Variants in PDE4D observed in about 807,000 individuals in gnomAD.
The protein encoded by PDE4D is phosphodiesterase 4D, also known as 3',5'-cyclic-AMP phosphodiesterase 4D.
Under a neutral mutation model 87.4 loss-of-function variants are expected in PDE4D, and 24 were observed. The observed-to-expected ratio is 0.27, with a 90% CI of 0.20 to 0.39. PDE4D has a LOEUF of 0.39. Among genes scored for constraint, PDE4D ranks in the 10% least tolerant of loss-of-function variants. The pLI, the probability that PDE4D is intolerant of heterozygous loss-of-function variation, is 1.00. For missense variants in PDE4D, 714 were observed against 1,041.0 expected, an observed-to-expected ratio of 0.69 and a Z score of 4.32; for synonymous variants, 384 against 383.2, an observed-to-expected ratio of 1.00 and a Z score of -0.02.
In PDE4D at chr5:58,975,647, C is replaced by T; in HGVS notation, c.2013+10G>A. 6.3e-7 allele frequency: 1 copy of T among 1,578,608 alleles called. No individual in the cohort carries two copies. The highest frequency in any genetic ancestry group is 8.6e-7 in the Non-Finnish European group (1 of 1,161,146). On this transcript the variant is annotated intron_variant, in intron 14 of 14. Transcript: ENST00000340635. The surrounding 1 kb of genome is among the most constrained non-coding windows in gnomAD (Gnocchi z 4.2). Reference sequence around the variant, plus strand: ...TGTTCTCTCTGAAAGCTATACACTTCATGCATTACCTGTGATTTTTCCACG... The same window carrying T: ...TGTTCTCTCTGAAAGCTATACACTTTATGCATTACCTGTGATTTTTCCACG...
At chr5:59,879,816 C>G (rs1581564488) in intron 1 of PDE4D, among the ~76,000 whole-genome samples, 1 of 152,216 alleles carries the variant, frequency 6.6e-6, no homozygotes, top group South Asian at 2.1e-4. Context: ...TCTCTGCCCA[C>G]TGCAACCTCC....
At chr5:59,576,261 G>T (rs1053764672) in intron 1 of PDE4D, among the ~76,000 whole-genome samples, 2 of 152,068 alleles carry the variant, frequency 1.3e-5, no homozygotes, top group Admixed American at 6.6e-5. Context: ...AGTGACCCAA[G>T]GTTGCACCCT....
intron 3 of PDE4D, among the ~76,000 whole-genome samples, chr5:59,967,748 A>G (rs1760211886): frequency 6.6e-6 from 1 of 152,160 alleles, no homozygotes; most frequent in Non-Finnish European, 1.5e-5. Flanking sequence ...ATTACCAGGT[A>G]TATACTTCCA....
At chr5:60,396,787 T>C (rs1019187710) in intron 1 of PDE4D, among the ~76,000 whole-genome samples, 1 of 152,228 alleles carries the variant, frequency 6.6e-6, no homozygotes, top group Non-Finnish European at 1.5e-5. Context: ...CAGGTAGATC[T>C]GTGTTTCCTT....
Position 60,482,316 on chromosome 5 carries a change from T to TA in PDE4D, c.-90+5625dup, listed in dbSNP as rs767207563. On this transcript the variant is annotated intron_variant, in intron 1 of 16. Coordinates refer to the PDE4D transcript ENST00000502484. ...CTCAGAATTCTAGCCTCCAGAACTG[T>TA]AAAAAAAAAATAAATTTCTGTTGTT... is the stretch of plus-strand genomic sequence containing the variant. Among the ~76,000 whole-genome samples, 59 of 149,952 alleles carry TA rather than the reference T, an allele frequency of 3.9e-4. No individual in the cohort carries two copies. The Middle Eastern group carries it at 0.01, about 26-fold the overall frequency.
In PDE4D at chr5:59,334,507, C is replaced by T. The variant is rs190015345; in HGVS notation, c.456-118539G>A. Among the ~76,000 whole-genome samples the T allele has an allele frequency of 1.6e-3, 244 of 152,128 alleles. 1 individual carries two copies. Among genetic ancestry groups the T allele is most frequent in the African/African-American group, 5.6e-3 (234 of 41,492 alleles). ...TCCTGACCTCAGGTGATCTGCCCGC[C>T]TCAGCCTCCCAAAGTGCTAGGATTA... On this transcript the variant is annotated intron_variant, in intron 1 of 14. Coordinates refer to ENST00000340635, the MANE Select transcript of PDE4D (RefSeq NM_001104631.2).
chr5:59,541,031 C>G (rs1816245190), intron 1 of PDE4D, among the ~76,000 whole-genome samples: 1 of 152,060 alleles, frequency 6.6e-6, no homozygotes, highest in Non-Finnish European at 1.5e-5. Context: ...AGTTAGGGAT[C>G]TCAGAATTTA....
intron 5 of PDE4D, among the ~76,000 whole-genome samples, chr5:59,073,168 C>A (rs1765123627): frequency 6.6e-6 from 1 of 152,122 alleles, no homozygotes; most frequent in Non-Finnish European, 1.5e-5. Context: ...TACCAAGGAA[C>A]TGAGTCCCAT....
At chr5:59,849,467 A>C (rs1472508738) in intron 1 of PDE4D, among the ~76,000 whole-genome samples, 1 of 151,962 alleles carries the variant, frequency 6.6e-6, no homozygotes, top group Non-Finnish European at 1.5e-5. Flanking sequence ...GTGTTCATGA[A>C]ATTCATTGTT....
intron 1 of PDE4D, among the ~76,000 whole-genome samples, chr5:59,610,941 T>C (rs973769649): frequency 6.6e-6 from 1 of 152,134 alleles, no homozygotes; most frequent in African/African-American, 2.4e-5. Context: ...ACAAGGTCTC[T>C]TAGAAAGTGG....
chr5:60,389,781 C>T (rs1341997706), intron 1 of PDE4D, among the ~76,000 whole-genome samples: 2 of 152,032 alleles, frequency 1.3e-5, no homozygotes, highest in African/African-American at 2.4e-5. Flanking sequence ...AAAGTAGAAG[C>T]GACCCATTTC....
intron 1 of PDE4D, among the ~76,000 whole-genome samples, chr5:59,337,466 T>C (rs1022665285): frequency 6.6e-6 from 1 of 151,862 alleles, no homozygotes; most frequent in African/African-American, 2.4e-5. Context: ...AGTTCCCCTT[T>C]TTAATAATGA....
intron 2 of PDE4D, among the ~76,000 whole-genome samples, chr5:60,183,459 G>A (rs1243064002): frequency 6.6e-6 from 1 of 152,142 alleles, no homozygotes; most frequent in Non-Finnish European, 1.5e-5. Flanking sequence ...TTGAGTTGAA[G>A]AGTGACTAAA....
At chr5:59,895,748 A>C (rs1156745966), upstream of PDE4D, among the ~76,000 whole-genome samples, 1 of 152,238 alleles carries the variant, frequency 6.6e-6, no homozygotes, top group Non-Finnish European at 1.5e-5. Flanking sequence ...CTGTGGCAAA[A>C]TACCTCTATC....
intron 1 of PDE4D, among the ~76,000 whole-genome samples, chr5:59,607,869 T>C (rs566482700): frequency 6.6e-5 from 10 of 152,170 alleles, no homozygotes; most frequent in African/African-American, 2.4e-4. Context: ...CCAAGAGACA[T>C]CACTGGTACA....
intron 5 of PDE4D, among the ~76,000 whole-genome samples, chr5:59,153,344 C>T (rs1295982710): frequency 6.6e-6 from 1 of 152,142 alleles, no homozygotes; most frequent in Admixed American, 6.5e-5. Flanking sequence ...TGTTCAGGAC[C>T]ATGTAAGTTA....
At chr5:59,740,964 T>C (rs1758745052) in intron 1 of PDE4D, among the ~76,000 whole-genome samples, 2 of 152,126 alleles carry the variant, frequency 1.3e-5, no homozygotes, top group Non-Finnish European at 2.9e-5. Context: ...GTATGCAATA[T>C]GGAAAATGGT....
chr5:59,228,758 CT>C (rs1330224741), intron 1 of PDE4D, among the ~76,000 whole-genome samples: 1 of 152,130 alleles, frequency 6.6e-6, no homozygotes, highest in Non-Finnish European at 1.5e-5. Flanking sequence ...CCTCAGTGAC[CT>C]GGTCCCTGGT....
At chr5:59,574,067 TATATTTATATATATATTTATATATATAA>T (rs1822461124) in intron 1 of PDE4D, among the ~76,000 whole-genome samples, 3 of 18,388 alleles carry the variant, frequency 1.6e-4, no homozygotes, top group African/African-American at 5.4e-4. Flanking sequence ...TAAAAATATA[TATATTTATATATATATTTATATATATAA>T]ATATATATTT....
Sources: gnomAD v4.1 joint callset for allele counts (sites outside exome capture counted in the v4.1 genomes callset) on GRCh38, gnomAD v4.1.1 for gene constraint, Gnocchi (gnomAD v3.1) non-coding constraint, MANE v1.5 for transcripts, NCBI Gene and HGNC (gene_info 2026-07-23, HGNC 2026-07-21) for gene names.